The following FSIP1 variants were observed in gnomAD, a reference collection of about 807,000 sequenced individuals.
FSIP1 encodes fibrous sheath interacting protein 1.
In FSIP1, 65 loss-of-function variants were observed where a neutral mutation model predicts 60.9. The observed-to-expected ratio is 1.07, with a 90% CI of 0.87 to 1.31. The LOEUF (loss-of-function observed/expected upper bound fraction) is 1.31. Among genes scored for constraint, FSIP1 ranks in the 40% most tolerant of loss-of-function variants. The pLI is 0.00. For synonymous variants in FSIP1, 209 were observed against 221.2 expected (o/e 0.94, Z 0.49); for missense variants, 675 against 665.5 (o/e 1.01, Z -0.16).
chr15:39,685,525 G>A (rs979384400), intron 10 of FSIP1, among the ~76,000 whole-genome samples: 3 of 152,080 alleles, frequency 2.0e-5, no homozygotes, highest in Non-Finnish European at 2.9e-5. Flanking sequence ...ACACCCTCCA[G>A]GAATTCTGGT....
intron 9 of FSIP1, among the ~76,000 whole-genome samples, chr15:39,717,940 C>T (rs1895804548): frequency 6.6e-6 from 1 of 152,212 alleles, no homozygotes. Flanking sequence ...CGCTCAAGCG[C>T]TCACGCTGAG....
At chr15:39,776,770 GA>G (rs1302760303) in intron 1 of FSIP1, among the ~76,000 whole-genome samples, 1 of 152,136 alleles carries the variant, frequency 6.6e-6, no homozygotes, top group Non-Finnish European at 1.5e-5. Flanking sequence ...AATATGGCTA[GA>G]AGAGAACACA....
chr15:39,734,035 A>C (rs996530796), intron 8 of FSIP1, among the ~76,000 whole-genome samples: 7 of 152,326 alleles, frequency 4.6e-5, no homozygotes, highest in South Asian at 4.1e-4. Context: ...GGAAGATTTG[A>C]ACCTTCAGGT....
intron 10 of FSIP1, among the ~76,000 whole-genome samples, chr15:39,637,109 G>A (rs1349311292): frequency 6.6e-6 from 1 of 152,144 alleles, no homozygotes; most frequent in East Asian, 1.9e-4. Context: ...TGGGGTGTCA[G>A]TCTTATCCCT....
intron 5 of FSIP1, among the ~76,000 whole-genome samples, chr15:39,756,466 A>T (rs1004159493): frequency 6.6e-6 from 1 of 152,088 alleles, no homozygotes; most frequent in African/African-American, 2.4e-5. Flanking sequence ...CGTGGACTCA[A>T]GCAATCCTCC....
At chr15:39,616,337 T>C (rs1267700106) in intron 11 of FSIP1, among the ~76,000 whole-genome samples, 2 of 152,186 alleles carry the variant, frequency 1.3e-5, no homozygotes, top group African/African-American at 4.8e-5. Context: ...AATGTAACAA[T>C]GAATTGCAAG....
chr15:39,675,495 G>A (rs1479289602), intron 10 of FSIP1, among the ~76,000 whole-genome samples: 2 of 151,994 alleles, frequency 1.3e-5, no homozygotes, highest in Non-Finnish European at 2.9e-5. Flanking sequence ...TTCTCACTAT[G>A]GAATGTTATA....
intron 6 of FSIP1, 36 bp downstream of exon 6, chr15:39,741,769 G>A: frequency 1.2e-5 from 12 of 1,035,158 alleles, no homozygotes; most frequent in Non-Finnish European, 1.8e-5. Flanking sequence ...GTATTCCCTT[G>A]TGAAAATGTG....
chr15:39,647,257 T>C (rs1455489648), intron 10 of FSIP1, among the ~76,000 whole-genome samples: 3 of 152,244 alleles, frequency 2.0e-5, no homozygotes, highest in Non-Finnish European at 4.4e-5. Flanking sequence ...TTTTACGTGT[T>C]CTTTCCACAC....
intron 10 of FSIP1, among the ~76,000 whole-genome samples, chr15:39,710,636 GA>G (rs1241882658): frequency 6.6e-6 from 1 of 152,044 alleles, no homozygotes; most frequent in Non-Finnish European, 1.5e-5. Flanking sequence ...CACAAAAAAA[GA>G]CATTAATCAT....
intron 10 of FSIP1, among the ~76,000 whole-genome samples, chr15:39,646,950 G>C (rs1460366863): frequency 6.6e-6 from 1 of 152,182 alleles, no homozygotes; most frequent in African/African-American, 2.4e-5. Flanking sequence ...ATTATGCTAA[G>C]TGAAATAAAC....
intron 10 of FSIP1, among the ~76,000 whole-genome samples, chr15:39,653,161 G>C (rs945422167): frequency 3.0e-5 from 4 of 134,364 alleles, no homozygotes; most frequent in African/African-American, 1.1e-4. Context: ...GTGTGACGGA[G>C]CCAGACTTTG....
chr15:39,679,969 G>T (rs1238921317), intron 10 of FSIP1, among the ~76,000 whole-genome samples: 1 of 152,084 alleles, frequency 6.6e-6, no homozygotes, highest in Non-Finnish European at 1.5e-5. Flanking sequence ...CCACGTAACT[G>T]AAGTCTATAC....
chr15:39,712,853 T>A (rs1566896766), intron 10 of FSIP1, among the ~76,000 whole-genome samples: 1 of 152,024 alleles, frequency 6.6e-6, no homozygotes, highest in African/African-American at 2.4e-5. Context: ...AGATTTGGAA[T>A]GCATTAAAAT....
At chr15:39,696,858 G>A (rs565059822) in intron 10 of FSIP1, among the ~76,000 whole-genome samples, 242 of 147,078 alleles carry the variant, frequency 1.6e-3, no homozygotes, top group Admixed American at 4.0e-3. Context: ...AAGGAGGAGG[G>A]GGAAGGGGTG....
intron 1 of FSIP1, among the ~76,000 whole-genome samples, chr15:39,777,832 A>G (rs1898114602): frequency 1.3e-5 from 2 of 152,186 alleles, no homozygotes; most frequent in Non-Finnish European, 2.9e-5. Context: ...CCTCTACCCA[A>G]CAATGTCCTT....
At chr15:39,683,468 A>C (rs1341221239) in intron 10 of FSIP1, among the ~76,000 whole-genome samples, 1 of 152,170 alleles carries the variant, frequency 6.6e-6, no homozygotes, top group African/African-American at 2.4e-5. Context: ...CTAACATAAT[A>C]CTTAATGGTG....
chr15:39,656,148 G>C (rs768460534), intron 10 of FSIP1, among the ~76,000 whole-genome samples: 1 of 152,078 alleles, frequency 6.6e-6, no homozygotes, highest in Non-Finnish European at 1.5e-5. Flanking sequence ...CTGGGGTAGG[G>C]AGTGAGTGGA....
chr15:39,635,573 G>A (rs2898688), intron 10 of FSIP1, among the ~76,000 whole-genome samples: 27,544 of 151,888 alleles, frequency 0.18, 3,045 homozygotes, highest in East Asian at 0.32. Flanking sequence ...GGGAACAATC[G>A]GATGGGGGCT....
Sources: gnomAD v4.1 joint callset for allele counts (sites outside exome capture counted in the v4.1 genomes callset) on GRCh38, gnomAD v4.1.1 for gene constraint, MANE v1.5 for transcripts, NCBI Gene and HGNC (gene_info 2026-07-23, HGNC 2026-07-21) for gene names.